DCAF8L2: variants seen among roughly 807,000 people sequenced by gnomAD.
DCAF8L2 encodes DDB1 and CUL4 associated factor 8 like 2.
For missense variants in DCAF8L2, 430 were observed against 490.7 expected (o/e 0.88, Z 1.17); for synonymous variants, 200 against 190.9 (o/e 1.05, Z -0.39).
chrX:27,609,846 T>C (rs1014528194), intron 1 of DCAF8L2, among the ~76,000 whole-genome samples: 3 of 111,871 alleles, frequency 2.7e-5, no homozygotes, highest in African/African-American at 9.7e-5. Context: ...TTATGTTGTC[T>C]GATAGTAGAT....
At chrX:27,686,263 A>C (rs1181667258) in intron 3 of DCAF8L2, among the ~76,000 whole-genome samples, 2 of 111,544 alleles carry the variant, frequency 1.8e-5, no homozygotes, top group African/African-American at 6.5e-5. Flanking sequence ...AAATCAGTAC[A>C]TCAAAGAGAT....
chrX:27,639,307 G>A (rs1928614505), intron 2 of DCAF8L2, among the ~76,000 whole-genome samples: 1 of 111,607 alleles, frequency 9.0e-6, no homozygotes. Context: ...GTGAGGGGCT[G>A]GTAGGGAGGT....
the DCAF8L2 span, among the ~76,000 whole-genome samples, chrX:27,495,515 T>TA: frequency 2.7e-5 from 3 of 112,213 alleles, no homozygotes; most frequent in South Asian, 3.7e-4. Flanking sequence ...ATCGTCACGA[T>TA]ATTGAATTTT....
rs1362310953 is a variant in DCAF8L2 at position 27,746,878 on chromosome X, C to T, written c.-18C>T. 1 of 1,178,281 alleles carries T rather than the reference C, an allele frequency of 8.5e-7. No individual in the cohort carries two copies. Among genetic ancestry groups the T allele is most frequent in the Admixed American group, 2.5e-5 (1 of 39,640 alleles). On this transcript the variant is annotated 5_prime_UTR_variant, in exon 5 of 5. Coordinates refer to ENST00000451261, the MANE Select transcript of DCAF8L2 (RefSeq NM_001353450.2). ...GGCCTTTGCAGTTCCAGATCTACTA[C>T]AGCAAACATCGTTCAAGATGTCCCA... is the stretch of plus-strand genomic sequence containing the variant.
intron 2 of DCAF8L2, among the ~76,000 whole-genome samples, chrX:27,649,990 G>A (rs951554726): frequency 1.8e-5 from 2 of 111,464 alleles, no homozygotes; most frequent in Admixed American, 1.9e-4. Flanking sequence ...ATGGCAAAAG[G>A]TAGGGGTCCA....
intron 2 of DCAF8L2, among the ~76,000 whole-genome samples, chrX:27,659,850 A>G (rs1929491393): frequency 9.0e-6 from 1 of 110,832 alleles, no homozygotes; most frequent in South Asian, 3.8e-4. Flanking sequence ...TCTTTGTATT[A>G]TCTCTCTGTG....
chrX:27,683,057 C>T (rs1425366439), intron 3 of DCAF8L2, among the ~76,000 whole-genome samples: 1 of 111,953 alleles, frequency 8.9e-6, no homozygotes, highest in Non-Finnish European at 1.9e-5. Context: ...CTAATATCTT[C>T]AAAAAGGACT....
chrX:27,511,618 C>G, the DCAF8L2 span, among the ~76,000 whole-genome samples: 1 of 112,332 alleles, frequency 8.9e-6, no homozygotes, highest in African/African-American at 3.2e-5. Context: ...TATTCAAGAT[C>G]TGAACTGGAG....
intron 1 of DCAF8L2, among the ~76,000 whole-genome samples, chrX:27,603,332 G>A (rs1408019053): frequency 9.0e-6 from 1 of 111,329 alleles, no homozygotes; most frequent in Non-Finnish European, 1.9e-5. Flanking sequence ...AAACCTTAGA[G>A]TACCCTTTTT....
chrX:27,717,684 G>A (rs1215849264), intron 4 of DCAF8L2, among the ~76,000 whole-genome samples: 1 of 112,178 alleles, frequency 8.9e-6, no homozygotes, highest in Non-Finnish European at 1.9e-5. Flanking sequence ...TAGGTTGCCT[G>A]TTCATTCTGA....
At chrX:27,549,181 C>G in the DCAF8L2 span, among the ~76,000 whole-genome samples, 1 of 110,978 alleles carries the variant, frequency 9.0e-6, no homozygotes, top group Admixed American at 9.7e-5. Context: ...GAGAAATATC[C>G]CTTTATTTTA....
intron 4 of DCAF8L2, among the ~76,000 whole-genome samples, chrX:27,742,267 G>A (rs1004421794): frequency 9.0e-6 from 1 of 111,338 alleles, no homozygotes; most frequent in Non-Finnish European, 1.9e-5. Context: ...GGTAAATGGG[G>A]TGTGTAGGAA....
the DCAF8L2 span, among the ~76,000 whole-genome samples, chrX:27,472,638 C>G: frequency 1.8e-5 from 2 of 111,128 alleles, no homozygotes; most frequent in African/African-American, 6.6e-5. Context: ...TGAGAACATG[C>G]GGTGTTTCGT....
intron 2 of DCAF8L2, among the ~76,000 whole-genome samples, chrX:27,653,360 A>G (rs764776386): frequency 2.4e-4 from 27 of 111,489 alleles, no homozygotes; most frequent in Non-Finnish European, 4.1e-4. Context: ...CTAAATTACC[A>G]TGCCCCACTG....
At chrX:27,636,905 A>G (rs1317060262) in intron 2 of DCAF8L2, among the ~76,000 whole-genome samples, 1 of 112,078 alleles carries the variant, frequency 8.9e-6, no homozygotes, top group Non-Finnish European at 1.9e-5. Flanking sequence ...CACTAGGCTA[A>G]AAAAGAGAAT....
At chrX:27,624,359 G>A (rs1927915879) in intron 1 of DCAF8L2, among the ~76,000 whole-genome samples, 2 of 110,852 alleles carry the variant, frequency 1.8e-5, no homozygotes, top group Non-Finnish European at 1.9e-5. Context: ...CATTACTAGG[G>A]CTGGAGAGTC....
chrX:27,577,195 T>C, the DCAF8L2 span, among the ~76,000 whole-genome samples: 2 of 111,982 alleles, frequency 1.8e-5, no homozygotes, highest in African/African-American at 6.5e-5. Flanking sequence ...ATCCTCCCTG[T>C]GGAAAAACTC....
chrX:27,661,823 T>C (rs1336098127), intron 2 of DCAF8L2, among the ~76,000 whole-genome samples: 2 of 111,639 alleles, frequency 1.8e-5, no homozygotes, highest in Non-Finnish European at 3.8e-5. Context: ...GTGAGAAATA[T>C]TTCACTCATG....
chrX:27,617,309 T>C (rs1927525134), intron 1 of DCAF8L2, among the ~76,000 whole-genome samples: 1 of 111,030 alleles, frequency 9.0e-6, no homozygotes, highest in Admixed American at 9.7e-5. Context: ...TGTGCAGAGC[T>C]GTGCTCAGCT....
Sources: gnomAD v4.1 joint callset for allele counts (sites outside exome capture counted in the v4.1 genomes callset) on GRCh38, gnomAD v4.1.1 for gene constraint, MANE v1.5 for transcripts, NCBI Gene and HGNC (gene_info 2026-07-23, HGNC 2026-07-21) for gene names.